Variants in KCNIP4 observed in about 807,000 individuals in gnomAD.
KCNIP4 encodes the protein Kv channel-interacting protein 4.
In KCNIP4, 12 loss-of-function variants were observed where a neutral mutation model predicts 34.0. The observed-to-expected ratio is 0.35, with a 90% CI of 0.23 to 0.57. The LOEUF (loss-of-function observed/expected upper bound fraction) is 0.57, where lower values mean the gene tolerates loss of function less well. Among genes scored for constraint, KCNIP4 ranks in the 20% least tolerant of loss-of-function variants. The pLI, the probability that KCNIP4 is intolerant of heterozygous loss-of-function variation, is 0.83. For synonymous variants in KCNIP4, 124 were observed against 102.2 expected (o/e 1.21, Z -1.29); for missense variants, 238 against 311.7 (o/e 0.76, Z 1.78).
intron 1 of KCNIP4, among the ~76,000 whole-genome samples, chr4:21,615,276 C>A (rs1260804840): frequency 1.3e-5 from 2 of 151,978 alleles, no homozygotes; most frequent in Non-Finnish European, 2.9e-5. Context: ...CGCGGTGGCT[C>A]ACGCCTGTAA....
chr4:21,274,345 A>G (rs78268179), intron 1 of KCNIP4, among the ~76,000 whole-genome samples: 2,753 of 152,316 alleles, frequency 0.018, 27 homozygotes, highest in South Asian at 0.026. Flanking sequence ...TCAGGTAACA[A>G]TCAACAGTTT....
At chr4:21,026,745 T>C (rs1740588663) in intron 1 of KCNIP4, among the ~76,000 whole-genome samples, 1 of 152,214 alleles carries the variant, frequency 6.6e-6, no homozygotes, top group Admixed American at 6.5e-5. Context: ...GGATATAGCC[T>C]TCTTTTTCCT....
chr4:21,904,632 T>G (rs1017455880), intron 1 of KCNIP4, among the ~76,000 whole-genome samples: 1 of 152,330 alleles, frequency 6.6e-6, no homozygotes, highest in East Asian at 1.9e-4. Context: ...ACTTTCTAAG[T>G]CTATTTCCTT....
intron 1 of KCNIP4, among the ~76,000 whole-genome samples, chr4:21,551,212 C>G (rs1738553803): frequency 6.6e-6 from 1 of 152,012 alleles, no homozygotes; most frequent in Non-Finnish European, 1.5e-5. Flanking sequence ...ATGCTAAAAA[C>G]TTCCTTATAA....
chr4:20,755,143 A>T lies in KCNIP4; in HGVS notation c.358+3678T>A, dbSNP rs11929876. ...CTCCCCTCTGCACTGTAGTAATGAG[A>T]TGGGGTGGGAGAGTTGTCATCCAAA... is the stretch of plus-strand genomic sequence containing the variant. On this transcript the variant is annotated intron_variant, in intron 4 of 8. Coordinates refer to ENST00000382152, the MANE Select transcript of KCNIP4 (RefSeq NM_025221.6). 1.1e-3 allele frequency among the ~76,000 whole-genome samples: 171 copies of T among 152,242 alleles called. 1 individual carries two copies. Among genetic ancestry groups the T allele is most frequent in the African/African-American group, 4.0e-3 (165 of 41,558 alleles).
At chr4:21,820,503 A>G (rs528486200) in intron 1 of KCNIP4, among the ~76,000 whole-genome samples, 151 of 152,004 alleles carry the variant, frequency 9.9e-4, no homozygotes, top group African/African-American at 2.8e-3. Flanking sequence ...AAAACCACAC[A>G]AATTATGGTC....
intron 1 of KCNIP4, among the ~76,000 whole-genome samples, chr4:20,989,978 C>A (rs1736942027): frequency 6.6e-6 from 1 of 152,050 alleles, no homozygotes; most frequent in African/African-American, 2.4e-5. Context: ...AAAAACAAAA[C>A]AAAAGACAGC....
intron 1 of KCNIP4, among the ~76,000 whole-genome samples, chr4:21,190,455 C>G (rs540534235): frequency 4.4e-5 from 5 of 113,330 alleles, no homozygotes; most frequent in Non-Finnish European, 8.5e-5. Flanking sequence ...CCACACCTCC[C>G]TTACCATTTG....
chr4:21,814,705 G>A (rs13122849), intron 1 of KCNIP4, among the ~76,000 whole-genome samples: 55,057 of 151,930 alleles, frequency 0.36, 11,410 homozygotes, highest in East Asian at 0.65. Flanking sequence ...TTTCAGACTC[G>A]TACACCTCTA....
chr4:20,879,178 C>A (rs1366830187), intron 2 of KCNIP4, among the ~76,000 whole-genome samples: 73 of 152,250 alleles, frequency 4.8e-4, no homozygotes, highest in Non-Finnish European at 2.9e-5. Context: ...CAAGACAATT[C>A]TTTGTTCACA....
intron 1 of KCNIP4, among the ~76,000 whole-genome samples, chr4:21,820,018 G>A (rs907632751): frequency 2.0e-5 from 3 of 151,688 alleles, no homozygotes; most frequent in Admixed American, 2.0e-4. Flanking sequence ...TGTCCTCTGA[G>A]TACTTTTTAA....
At chr4:21,771,881 G>A (rs926847155) in intron 1 of KCNIP4, among the ~76,000 whole-genome samples, 2 of 152,002 alleles carry the variant, frequency 1.3e-5, no homozygotes, top group African/African-American at 4.8e-5. Context: ...CAGAAATATT[G>A]ACCTCTTCTC....
In KCNIP4 at chr4:20,729,243, A is replaced by C. The variant is rs539792491; in HGVS notation, c.*839T>G. The C allele has an allele frequency of 6.6e-6, 1 of 151,710 alleles. No homozygotes were observed. The highest frequency in any genetic ancestry group is 2.2e-4 in the South Asian group (1 of 4,508). 9.4% of individuals were successfully genotyped at this position (151,710 alleles called of 1,614,324 possible). ...AGCATTACTATATACTGGAGGATAG[A>C]TATCCTGACCCTTTGCATATGTCTG... On this transcript the variant is annotated 3_prime_UTR_variant, in exon 9 of 9. Transcript: ENST00000382152.
chr4:21,094,007 G>A (rs896426617), intron 1 of KCNIP4, among the ~76,000 whole-genome samples: 9 of 152,082 alleles, frequency 5.9e-5, no homozygotes, highest in African/African-American at 1.2e-4. Context: ...GGGTGAACCC[G>A]GGAGGCAGAG....
chr4:21,311,515 C>G (rs1433571959), intron 1 of KCNIP4, among the ~76,000 whole-genome samples: 1 of 151,946 alleles, frequency 6.6e-6, no homozygotes, highest in East Asian at 1.9e-4. Context: ...ATGGTGAAAC[C>G]CCATCTCTAC....
At chr4:21,363,551 A>G (rs754928344) in intron 1 of KCNIP4, among the ~76,000 whole-genome samples, 6 of 152,206 alleles carry the variant, frequency 3.9e-5, no homozygotes, top group Admixed American at 6.5e-5. Context: ...ATGTGCTTAC[A>G]AACTACATAG....
At chr4:20,929,609 C>G (rs1730238399) in intron 1 of KCNIP4, among the ~76,000 whole-genome samples, 1 of 149,830 alleles carries the variant, frequency 6.7e-6, no homozygotes, top group Non-Finnish European at 1.5e-5. Flanking sequence ...TCTCTATTTG[C>G]AGATGATATA....
At chr4:20,957,617 G>C (rs1214505992) in intron 1 of KCNIP4, among the ~76,000 whole-genome samples, 1 of 151,940 alleles carries the variant, frequency 6.6e-6, no homozygotes, top group Non-Finnish European at 1.5e-5. Flanking sequence ...GGAACGAGCT[G>C]TTTACGCTCA....
intron 1 of KCNIP4, among the ~76,000 whole-genome samples, chr4:21,176,697 A>G (rs1184385856): frequency 1.3e-5 from 2 of 151,916 alleles, no homozygotes; most frequent in Non-Finnish European, 2.9e-5. Flanking sequence ...AATTTTTCCT[A>G]TTTAGTGGAG....
Sources: gnomAD v4.1 joint callset for allele counts (sites outside exome capture counted in the v4.1 genomes callset) on GRCh38, gnomAD v4.1.1 for gene constraint, MANE v1.5 for transcripts, NCBI Gene and HGNC (gene_info 2026-07-23, HGNC 2026-07-21) for gene names.